Variants in CACNA1E observed in about 807,000 individuals in gnomAD.
CACNA1E encodes the protein voltage-dependent R-type calcium channel subunit alpha-1E.
Under a neutral mutation model 259.2 loss-of-function variants are expected in CACNA1E, and 40 were observed. The observed-to-expected ratio is 0.15, with a 90% CI of 0.12 to 0.20. CACNA1E has a LOEUF of 0.20. Ranked by LOEUF, CACNA1E falls within the 10% of genes least tolerant of loss-of-function variation. CACNA1E has a pLI of 1.00. For missense variants in CACNA1E, 1,874 were observed against 3,040.1 expected (o/e 0.62, Z 9.02); for synonymous variants, 1,104 against 1,138.5 (o/e 0.97, Z 0.61).
rs139768895 is a variant in CACNA1E, at chr1:181,462,632, C to T, written c.435-21112C>T. On this transcript the variant is annotated intron_variant, in intron 2 of 11. Coordinates refer to the CACNA1E transcript ENST00000524607. ...TATGCTCATTCTTTGTTCCTTGCTC[C>T]GGAAGTCATCACTCCTCTGAGATTG... Among the ~76,000 whole-genome samples, 344 of 152,182 alleles carry T rather than the reference C, an allele frequency of 2.3e-3. 2 individuals are homozygous for T. Among genetic ancestry groups the T allele is most frequent in the African/African-American group, 7.8e-3 (323 of 41,532 alleles).
intron 3 of CACNA1E, among the ~76,000 whole-genome samples, chr1:181,531,697 T>G (rs1225990100): frequency 6.6e-6 from 1 of 152,166 alleles, no homozygotes; most frequent in Non-Finnish European, 1.5e-5. Flanking sequence ...AACCAAACCT[T>G]AGGCCCAGGA....
chr1:181,635,501 G>C (rs548520775), intron 6 of CACNA1E, among the ~76,000 whole-genome samples: 1 of 151,816 alleles, frequency 6.6e-6, no homozygotes, highest in Admixed American at 6.6e-5. Flanking sequence ...TTTACTCCTA[G>C]TTATGATACA....
At chr1:181,585,016 C>CA (rs1189082815) in intron 6 of CACNA1E, among the ~76,000 whole-genome samples, 2 of 149,272 alleles carry the variant, frequency 1.3e-5, no homozygotes, top group South Asian at 2.1e-4. Flanking sequence ...ACTGGTCCCC[C>CA]CCCCTGCCTC....
intron 6 of CACNA1E, among the ~76,000 whole-genome samples, chr1:181,623,699 A>G (rs779936111): frequency 1.3e-5 from 2 of 152,222 alleles, no homozygotes; most frequent in African/African-American, 4.8e-5. Context: ...GTAGTCTATT[A>G]AGTGTGCAAT....
chr1:181,516,559 T>A (rs1384911358), intron 3 of CACNA1E, among the ~76,000 whole-genome samples: 1 of 152,204 alleles, frequency 6.6e-6, no homozygotes, highest in Non-Finnish European at 1.5e-5. Context: ...CTTTAGCACC[T>A]GGGCACCTTC....
chr1:181,555,404 C>A (rs981993328), intron 3 of CACNA1E, among the ~76,000 whole-genome samples: 1 of 152,202 alleles, frequency 6.6e-6, no homozygotes, highest in Non-Finnish European at 1.5e-5. Context: ...ATTACAGGAA[C>A]AAGACATATC....
intron 6 of CACNA1E, among the ~76,000 whole-genome samples, chr1:181,641,709 T>TTTTG (rs1558217605): frequency 3.6e-5 from 2 of 56,124 alleles, no homozygotes; most frequent in African/African-American, 9.0e-5. Flanking sequence ...TTTTGTTTTT[T>TTTTG]TTTTTTTTTT....
At chr1:181,700,445 A>G (rs2102371551) in intron 7 of CACNA1E, among the ~76,000 whole-genome samples, 1 of 152,370 alleles carries the variant, frequency 6.6e-6, no homozygotes, top group East Asian at 1.9e-4. Context: ...TGATGTAAAC[A>G]GTTGCCAGAC....
intron 6 of CACNA1E, among the ~76,000 whole-genome samples, chr1:181,599,164 G>A (rs1450770262): frequency 6.6e-6 from 1 of 151,016 alleles, no homozygotes; most frequent in African/African-American, 2.4e-5. Flanking sequence ...CCTCCCATGT[G>A]TCCATGTGTT....
chr1:181,383,000 G>A (rs1001503040), intron 1 of CACNA1E, among the ~76,000 whole-genome samples: 1 of 152,192 alleles, frequency 6.6e-6, no homozygotes, highest in Non-Finnish European at 1.5e-5. Context: ...ACAAGGCCAG[G>A]ACAGCTGCCT....
At chr1:181,367,815 G>C (rs1363678780) in intron 1 of CACNA1E, among the ~76,000 whole-genome samples, 1 of 152,010 alleles carries the variant, frequency 6.6e-6, no homozygotes, top group African/African-American at 2.4e-5. Context: ...CAGAGTCATA[G>C]AAATATGCCA....
intron 25 of CACNA1E, among the ~76,000 whole-genome samples, chr1:181,746,887 T>C (rs1203950238): frequency 6.6e-6 from 1 of 152,206 alleles, no homozygotes; most frequent in African/African-American, 2.4e-5. Flanking sequence ...AGCACTATTA[T>C]TAACCGCCTT....
rs184348185 is a variant in CACNA1E, at chr1:181,512,997, A to G, written c.512+1487A>G. Reference sequence around the variant, plus strand: ...AATCATTTAGAAATGTTATGATTCTATCTAGAAGAAAAGTGTTGTATAAGT... The same window carrying G: ...AATCATTTAGAAATGTTATGATTCTGTCTAGAAGAAAAGTGTTGTATAAGT... On this transcript the variant is annotated intron_variant, in intron 3 of 47. Transcript: ENST00000367573. Among the ~76,000 whole-genome samples the G allele has an allele frequency of 2.0e-3, 299 of 152,322 alleles. 2 individuals are homozygous for G. Among genetic ancestry groups the G allele is most frequent in the Non-Finnish European group, 3.4e-3 (229 of 68,016 alleles).
intron 1 of CACNA1E, among the ~76,000 whole-genome samples, chr1:181,325,872 C>T (rs1415020085): frequency 4.6e-5 from 7 of 152,210 alleles, no homozygotes; most frequent in South Asian, 4.2e-4. Flanking sequence ...CTGGTGAGGC[C>T]GGCGCTCCCC....
At chr1:181,790,639 C>T in intron 44 of CACNA1E, 83 bp downstream of exon 44, 1 of 912,860 alleles carries the variant, frequency 1.1e-6, no homozygotes, top group Non-Finnish European at 1.8e-6. Flanking sequence ...TAGTCATGGT[C>T]CGTCAGGAAA....
chr1:181,759,395 C>G (rs867226994), intron 32 of CACNA1E, among the ~76,000 whole-genome samples: 22 of 146,990 alleles, frequency 1.5e-4, no homozygotes, highest in South Asian at 2.2e-4. Flanking sequence ...AGGGGTGTGT[C>G]TGTGTGTGTG....
intron 1 of CACNA1E, among the ~76,000 whole-genome samples, chr1:181,391,284 A>C (rs1310176873): frequency 6.6e-6 from 1 of 151,972 alleles, no homozygotes; most frequent in Admixed American, 6.6e-5. Flanking sequence ...AGATCCTGCC[A>C]CTCCCCTGCT....
intron 1 of CACNA1E, among the ~76,000 whole-genome samples, chr1:181,330,626 A>G (rs1423331712): frequency 1.3e-5 from 2 of 152,226 alleles, no homozygotes; most frequent in East Asian, 1.9e-4. Flanking sequence ...TTGCTGAAAC[A>G]TAAAGCTGCC....
chr1:181,577,768 T>A lies in CACNA1E; in HGVS notation c.515T>A (p.Ile172Asn). 6.2e-7 allele frequency: 1 copy of A among 1,600,674 alleles called. No homozygotes were observed. Among genetic ancestry groups the A allele is most frequent in the Non-Finnish European group, 8.5e-7 (1 of 1,171,712 alleles). ...VMDFIVVLSG[I>N]LATAGTHFNT... The stretch of plus-strand genomic sequence containing the variant: ...CCCTTCTGTGTCTCTGTCTGCAGCA[T>A]CCTGGCCACTGCAGGAACCCACTTC... The change falls in exon 4 of 48, where the codon ATC (isoleucine) becomes AAC (asparagine). Residue 172 changes from isoleucine to asparagine, a missense_variant and splice_region_variant. By Grantham distance (149) the Ile-to-Asn change is moderately radical (BLOSUM62 -3). Coordinates refer to ENST00000367573, the MANE Select transcript of CACNA1E (RefSeq NM_001205293.3).
Sources: gnomAD v4.1 joint callset for allele counts (sites outside exome capture counted in the v4.1 genomes callset) on GRCh38, gnomAD v4.1.1 for gene constraint, MANE v1.5 for transcripts, NCBI Gene and HGNC (gene_info 2026-07-23, HGNC 2026-07-21) for gene names.